Variants in PCNX4 observed in about 807,000 individuals in gnomAD.
PCNX4 encodes the protein pecanex-like protein 4.
A neutral mutation model predicts 107.2 loss-of-function variants in PCNX4; 103 were observed. The ratio of observed to expected loss-of-function variants is 0.96; its 90% CI spans 0.82 to 1.13. The LOEUF (loss-of-function observed/expected upper bound fraction) is 1.13, where lower values mean the gene tolerates loss of function less well. Ranked by LOEUF, PCNX4 falls within the 50% of genes most tolerant of loss-of-function variation. The probability of loss-of-function intolerance (pLI) is 0.00; values close to 1 mark genes in which losing one functional copy is unlikely to be tolerated. For missense variants in PCNX4, 1,528 were observed against 1,379.4 expected (o/e 1.11, Z -1.71); for synonymous variants, 541 against 481.7 (o/e 1.12, Z -1.61).
At chr14:60,098,359 A>G (rs1246594748) in intron 1 of PCNX4, among the ~76,000 whole-genome samples, 1 of 152,224 alleles carries the variant, frequency 6.6e-6, no homozygotes, top group Non-Finnish European at 1.5e-5. Context: ...AGCCTCTCTC[A>G]GGTTTATTCT....
rs971797219 is a variant in PCNX4 at position 60,137,483 on chromosome 14, C to A, written c.*3262C>A. 3.9e-5 allele frequency: 6 copies of A among 152,190 alleles called. No individual in the cohort carries two copies. The highest frequency in any genetic ancestry group is 3.9e-4 in the Admixed American group (6 of 15,292). The allele number at this position is 152,190 out of a possible 1,614,324, so 9.4% of individuals were successfully genotyped here. On this transcript the variant is annotated 3_prime_UTR_variant, in exon 11 of 11. Coordinates refer to ENST00000406854, the MANE Select transcript of PCNX4 (RefSeq NM_001330177.2). ...CCTTTGCTGCAGCCGCTACCCAGAG[C>A]AAATGTAAATCCTCTCTGGACTGAT...
chr14:60,133,998 T>G lies in PCNX4; in HGVS notation c.3296T>G (p.Leu1099Arg). 2 of 1,613,418 alleles carry G rather than the reference T, an allele frequency of 1.2e-6. No homozygotes were observed. The highest frequency in any genetic ancestry group is 1.7e-6 in the Non-Finnish European group (2 of 1,179,534). ...MGIYTGRVLS[L>R]QELLIQVGKL... is the part of the protein sequence containing the mutation. ...ATTTACACTGGGAGAGTGCTTAGCCTTCAAGAATTATTGATCCAAGTGGGA... is the reference window on the plus strand; with the variant it reads ...ATTTACACTGGGAGAGTGCTTAGCCGTCAAGAATTATTGATCCAAGTGGGA... The change falls in exon 11 of 11, where the codon CTT (leucine) becomes CGT (arginine). Residue 1099 changes from leucine (L) to arginine (R), a missense_variant. Leu to Arg is a moderately radical substitution (Grantham distance 102). Coordinates refer to ENST00000406854, the MANE Select transcript of PCNX4 (RefSeq NM_001330177.2).
rs573858099 is a variant in PCNX4, at chr14:60,108,148, A to G, written c.510A>G (p.Thr170=). The change falls in exon 2 of 11, where the codon ACA becomes ACG. Residue 170 remains threonine (T), a synonymous_variant. Coordinates refer to ENST00000406854, the MANE Select transcript of PCNX4 (RefSeq NM_001330177.2). ...GAATAACCTTGCTGTATGGCAGTACAGGAGGCACTGCTCTACTATTCTTCT... is the reference window on the plus strand; with the variant it reads ...GAATAACCTTGCTGTATGGCAGTACGGGAGGCACTGCTCTACTATTCTTCT... The part of the protein sequence containing the change: ...PNRITLLYGS[T]GGTALLFFFG... 5.0e-5 allele frequency: 80 copies of G among 1,612,902 alleles called. 2 individuals are homozygous for G. In the South Asian group the frequency reaches 6.4e-4, roughly 13 times the overall value.
At position 60,108,021 on chromosome 14, in the gene PCNX4, A is replaced by C. The variant is rs749582720; in HGVS notation, c.383A>C (p.Lys128Thr). The C allele has an allele frequency of 1.9e-6, 3 of 1,612,750 alleles. No homozygotes were observed. The highest frequency in any genetic ancestry group is 1.7e-5 in the Admixed American group (1 of 60,004). ...AGTTGTACTGGTGCTGAGACTGTCAAATTTCTCATTCCTGGCAAGAAATAT... is the reference window on the plus strand; with the variant it reads ...AGTTGTACTGGTGCTGAGACTGTCACATTTCTCATTCCTGGCAAGAAATAT... Reference protein sequence around the residue: ...FTSCTGAETVKFLIPGKKYVA... With the variant: ...FTSCTGAETVTFLIPGKKYVA... Residue 128 changes from lysine (K) to threonine (T), a missense_variant, in exon 2 of 11, where the codon AAA becomes ACA. Physicochemically the swap from Lys to Thr is moderately conservative, Grantham distance 78 (BLOSUM62 -1). Coordinates refer to ENST00000406854, the MANE Select transcript of PCNX4 (RefSeq NM_001330177.2).
At position 60,118,491 on chromosome 14, in the gene PCNX4, G is replaced by A. The variant is rs1566514782; in HGVS notation, c.1741G>A (p.Val581Ile). ...VFSPFVLVII[V>I]FSTLLSSPLL... The stretch of plus-strand genomic sequence containing the variant: ...TTCTCCATTCGTGTTGGTCATCATA[G>A]TTTTTTCTACACTACTCTCTTCTCC... The change falls in exon 7 of 11, where the codon GTT becomes ATT. Residue 581 changes from valine (V) to isoleucine (I), a missense_variant. Physicochemically the swap from Val to Ile is conservative, Grantham distance 29. Coordinates refer to ENST00000406854, the MANE Select transcript of PCNX4 (RefSeq NM_001330177.2). 6.2e-7 allele frequency: 1 copy of A among 1,613,568 alleles called. No individual in the cohort carries two copies.
intron 1 of PCNX4, among the ~76,000 whole-genome samples, chr14:60,098,586 G>A (rs943537660): frequency 8.5e-5 from 13 of 152,216 alleles, no homozygotes; most frequent in Admixed American, 3.3e-4. Flanking sequence ...GTTGGGGAGC[G>A]GGGTGCTTAC....
chr14:60,131,385 A>G (rs1453086006), intron 10 of PCNX4, among the ~76,000 whole-genome samples: 1 of 152,240 alleles, frequency 6.6e-6, no homozygotes, highest in Non-Finnish European at 1.5e-5. Context: ...ATATAAGATC[A>G]ACATACAAAA....
rs753091928 is a variant in PCNX4, at chr14:60,108,159, C to G, written c.521C>G (p.Ala174Gly). The G allele has an allele frequency of 2.4e-5, 38 of 1,612,750 alleles. No individual in the cohort carries two copies. Among genetic ancestry groups the G allele is most frequent in the Non-Finnish European group, 3.2e-5 (38 of 1,179,894 alleles). The stretch of plus-strand genomic sequence containing the variant: ...CTGTATGGCAGTACAGGAGGCACTG[C>G]TCTACTATTCTTCTTTGGATGGATG... ...TLLYGSTGGTALLFFFGWMTL... is the reference protein window; with the variant it reads ...TLLYGSTGGTGLLFFFGWMTL... The change falls in exon 2 of 11, where the codon GCT (alanine) becomes GGT (glycine). Residue 174 changes from alanine to glycine, a missense_variant. By Grantham distance (60) the Ala-to-Gly change is moderately conservative. Coordinates refer to ENST00000406854, the MANE Select transcript of PCNX4 (RefSeq NM_001330177.2).
In PCNX4 at chr14:60,138,875, CAAT is replaced by C. The variant is rs776112186; in HGVS notation, c.*4659_*4661del. The C allele has an allele frequency of 2.6e-5, 4 of 151,854 alleles. No individual in the cohort carries two copies. The highest frequency in any genetic ancestry group is 7.3e-5 in the African/African-American group (3 of 41,324). 9.4% of individuals were successfully genotyped at this position (151,854 alleles called of 1,614,324 possible). A position where few individuals can be genotyped will look rare whatever the true frequency, so the allele number is the denominator to read the frequency against. On this transcript the variant is annotated 3_prime_UTR_variant, in exon 11 of 11. Transcript: ENST00000406854. ...TAAAATAAATAATGTTAAAATGTGA[CAAT>C]AATATACAAATTTGGTGCAGGAATT...
chr14:60,093,647 CTT>C (rs774893613), intron 1 of PCNX4, among the ~76,000 whole-genome samples: 8 of 152,054 alleles, frequency 5.3e-5, no homozygotes, highest in Non-Finnish European at 1.0e-4. Flanking sequence ...TTCTATGAAT[CTT>C]TTGTGTACAG....
At chr14:60,118,293 T>C (rs1347875574) in intron 6 of PCNX4, 36 bp from the exon 7 acceptor site, 1 of 1,505,346 alleles carries the variant, frequency 6.6e-7, no homozygotes, top group Non-Finnish European at 8.9e-7. Flanking sequence ...AAAAATCTTC[T>C]AAGGATAAAT....
chr14:60,122,370 A>T (rs1286388838), intron 8 of PCNX4, among the ~76,000 whole-genome samples: 1 of 144,608 alleles, frequency 6.9e-6, no homozygotes, highest in Non-Finnish European at 1.5e-5. Flanking sequence ...TAGGCTTCCT[A>T]TTCCCTCTTT....
intron 9 of PCNX4, 133 bp downstream of exon 9, chr14:60,125,384 T>G: frequency 9.8e-7 from 1 of 1,017,624 alleles, no homozygotes; most frequent in Non-Finnish European, 1.4e-6. Context: ...AAAAAATGTT[T>G]CATGTGTAGT....
At position 60,107,238 on chromosome 14, in the gene PCNX4, A is replaced by G. The variant is rs192285379; in HGVS notation, c.-53-348A>G. On this transcript the variant is annotated intron_variant, in intron 1 of 10. Coordinates refer to ENST00000406854, the MANE Select transcript of PCNX4 (RefSeq NM_001330177.2). ...CTCTACAAAAAATAAAAAATTAGCCAGGCATAGGGGCATGTGCCTATAGTC... is the reference window on the plus strand; with the variant it reads ...CTCTACAAAAAATAAAAAATTAGCCGGGCATAGGGGCATGTGCCTATAGTC... 2.0e-3 allele frequency among the ~76,000 whole-genome samples: 308 copies of G among 152,242 alleles called. 2 individuals are homozygous for G. The highest frequency in any genetic ancestry group is 7.0e-3 in the African/African-American group (290 of 41,548).
rs76019313 is a variant in PCNX4 at position 60,119,975 on chromosome 14, G to A, written c.1943-1221G>A. Among the ~76,000 whole-genome samples, 510 of 152,238 alleles carry A rather than the reference G, an allele frequency of 3.4e-3. 17 individuals are homozygous for A. In the East Asian group the frequency reaches 0.057, roughly 17 times the overall value. On this transcript the variant is annotated intron_variant, in intron 7 of 10. Transcript: ENST00000406854. ...TCTGTAATAAAGATGTATATATCCCGTGGCTCAGGGATTCCAGTTTTAGAT... is the reference window on the plus strand; with the variant it reads ...TCTGTAATAAAGATGTATATATCCCATGGCTCAGGGATTCCAGTTTTAGAT...
In PCNX4 at chr14:60,115,777, C is replaced by G. The variant is rs1895835354; in HGVS notation, c.1416C>G (p.His472Gln). 6.2e-7 allele frequency: 1 copy of G among 1,613,226 alleles called. No individual in the cohort carries two copies. Among genetic ancestry groups the G allele is most frequent in the African/African-American group, 1.3e-5 (1 of 74,914 alleles). The change falls in exon 5 of 11, where the codon CAC (histidine) becomes CAG (glutamine). Residue 472 changes from histidine to glutamine, a missense_variant. His to Gln is a conservative substitution (Grantham distance 24). Transcript: ENST00000406854. ...TGGACAGTTCCTTACAAGGGCTCCA[C>G]TCAGTGTCTGTCTGTATTGGATTCA... is the stretch of plus-strand genomic sequence containing the variant. ...LSLDSSLQGL[H>Q]SVSVCIGFTR...
At chr14:60,131,181 T>C (rs1896148472) in intron 10 of PCNX4, among the ~76,000 whole-genome samples, 1 of 152,208 alleles carries the variant, frequency 6.6e-6, no homozygotes, top group Non-Finnish European at 1.5e-5. Context: ...AGTCACCTAG[T>C]CTATGGTATT....
chr14:60,118,812 T>G, intron 7 of PCNX4, 120 bp downstream of exon 7: 1 of 1,114,368 alleles, frequency 9.0e-7, no homozygotes, highest in Non-Finnish European at 1.2e-6. Context: ...CATAACAATT[T>G]GATGTGTAGG....
rs1018828922 is a variant in PCNX4 at position 60,147,854 on chromosome 14, G to C, written c.*13633G>C. 4 of 152,188 alleles carry C rather than the reference G, an allele frequency of 2.6e-5. No homozygotes were observed. The highest frequency in any genetic ancestry group is 9.7e-5 in the African/African-American group (4 of 41,418). The allele number at this position is 152,188 out of a possible 1,614,324, so 9.4% of individuals were successfully genotyped here. A position where few individuals can be genotyped will look rare whatever the true frequency, so the allele number is the denominator to read the frequency against. ...GCTGTGCTTCCTCTGTAGTAAGGTG[G>C]CCTGTCCCTCTCAACTCTTTCCATC... On this transcript the variant is annotated 3_prime_UTR_variant, in exon 11 of 11. Coordinates refer to ENST00000406854, the MANE Select transcript of PCNX4 (RefSeq NM_001330177.2).
Sources: allele counts gnomAD v4.1 joint callset (sites outside exome capture counted in the v4.1 genomes callset), GRCh38; gene constraint gnomAD v4.1.1; transcripts MANE v1.5; gene names NCBI Gene and HGNC (gene_info 2026-07-23, HGNC 2026-07-21).